Variants in MEI4 observed in about 807,000 individuals in gnomAD.
The protein encoded by MEI4 is meiosis-specific protein MEI4.
A neutral mutation model predicts 31.4 loss-of-function variants in MEI4; 27 were observed. The observed-to-expected ratio is 0.86, with a 90% confidence interval of 0.63 to 1.19. MEI4 has a LOEUF of 1.19. Ranked by LOEUF, MEI4 falls within the 50% of genes most tolerant of loss-of-function variation. The pLI, the probability that MEI4 is intolerant of heterozygous loss-of-function variation, is 0.00. For missense variants in MEI4, 329 were observed against 398.9 expected, an observed-to-expected ratio of 0.82 and a Z score of 1.49; for synonymous variants, 122 against 145.4, an observed-to-expected ratio of 0.84 and a Z score of 1.16.
At chr6:77,716,916 T>C in intron 2 of MEI4, 1 of 953,782 alleles carries the variant, frequency 1.0e-6, no homozygotes, top group Non-Finnish European at 1.2e-6. Context: ...ACTTGCTTAC[T>C]CACAGCTTTG....
chr6:77,799,645 T>C (rs1198754318), intron 3 of MEI4, among the ~76,000 whole-genome samples: 1 of 152,198 alleles, frequency 6.6e-6, no homozygotes, highest in Non-Finnish European at 1.5e-5. Context: ...TTCAAGTCTT[T>C]AATCCGTCTT....
chr6:77,707,002 G>C (rs1178751891), intron 2 of MEI4, among the ~76,000 whole-genome samples: 1 of 143,194 alleles, frequency 7.0e-6, no homozygotes, highest in Non-Finnish European at 1.6e-5. Context: ...ATGTGACGTT[G>C]CTATAAAGAT....
At chr6:77,655,842 GT>G (rs1321863710) in intron 1 of MEI4, among the ~76,000 whole-genome samples, 4 of 151,974 alleles carry the variant, frequency 2.6e-5, no homozygotes, top group African/African-American at 9.7e-5. Flanking sequence ...CTGTTCTTAT[GT>G]CCATTATTAT....
chr6:77,871,785 G>C (rs544557577), intron 4 of MEI4, among the ~76,000 whole-genome samples: 6 of 151,732 alleles, frequency 4.0e-5, no homozygotes, highest in Non-Finnish European at 7.4e-5. Flanking sequence ...ATTCAAGTTG[G>C]AACTACACAG....
At chr6:77,728,346 T>A (rs1766881191) in intron 2 of MEI4, among the ~76,000 whole-genome samples, 1 of 152,182 alleles carries the variant, frequency 6.6e-6, no homozygotes. Flanking sequence ...AGGTATGAGC[T>A]CCTAAAGTAG....
At position 77,924,422 on chromosome 6, in the gene MEI4, ATCCTGAAACTACATGT is replaced by A. The variant is rs1315006021; in HGVS notation, c.*1077_*1092del. ...TTGAAAAGATAATGCCTTTTTGATA[ATCCTGAAACTACATGT>A]ATGTCAGTCAGCTTTTGTTATGTGA... On this transcript the variant is annotated 3_prime_UTR_variant, in exon 5 of 5. Transcript: ENST00000684080. 4.0e-5 allele frequency: 6 copies of A among 151,878 alleles called. No homozygotes were observed. The highest frequency in any genetic ancestry group is 8.8e-5 in the Non-Finnish European group (6 of 67,892). 9.4% of individuals were successfully genotyped at this position (151,878 alleles called of 1,614,324 possible).
intron 4 of MEI4, among the ~76,000 whole-genome samples, chr6:77,921,519 T>C (rs1257228652): frequency 6.6e-6 from 1 of 151,844 alleles, no homozygotes; most frequent in Non-Finnish European, 1.5e-5. Context: ...ACTTTACTTT[T>C]AATTTCCTTC....
intron 2 of MEI4, among the ~76,000 whole-genome samples, chr6:77,733,665 G>T (rs1767085018): frequency 6.6e-6 from 1 of 151,764 alleles, no homozygotes; most frequent in African/African-American, 2.4e-5. Flanking sequence ...CTTGCCTTCT[G>T]CTAGCTTTTG....
intron 2 of MEI4, among the ~76,000 whole-genome samples, chr6:77,728,776 T>C (rs1766893044): frequency 6.6e-6 from 1 of 151,988 alleles, no homozygotes; most frequent in Non-Finnish European, 1.5e-5. Flanking sequence ...GCAGAGCAAG[T>C]AAGGAATAGA....
chr6:77,792,688 G>T (rs1031610778), intron 3 of MEI4, among the ~76,000 whole-genome samples: 1 of 150,622 alleles, frequency 6.6e-6, no homozygotes, highest in African/African-American at 2.4e-5. Flanking sequence ...TTATTGTTTT[G>T]CATGTGGATA....
chr6:77,667,293 C>A (rs1332809798), intron 1 of MEI4, among the ~76,000 whole-genome samples: 2 of 152,134 alleles, frequency 1.3e-5, no homozygotes, highest in Non-Finnish European at 2.9e-5. Flanking sequence ...TTGAGGCTTA[C>A]CATGCCCCAT....
At chr6:77,739,785 G>T (rs936667505) in intron 2 of MEI4, among the ~76,000 whole-genome samples, 2 of 150,150 alleles carry the variant, frequency 1.3e-5, no homozygotes, top group East Asian at 1.9e-4. Flanking sequence ...GAATTTTTTT[G>T]TGTCTCAATG....
chr6:77,858,562 G>A (rs956651893), intron 4 of MEI4, among the ~76,000 whole-genome samples: 1 of 151,528 alleles, frequency 6.6e-6, no homozygotes. Context: ...ATAAATATTT[G>A]TTGGCTAATA....
At chr6:77,694,621 C>T (rs1765967649) in intron 2 of MEI4, among the ~76,000 whole-genome samples, 1 of 152,066 alleles carries the variant, frequency 6.6e-6, no homozygotes, top group African/African-American at 2.4e-5. Context: ...CATAGTATTC[C>T]ATGGTGTATA....
At chr6:77,741,861 C>T (rs1049963791) in intron 2 of MEI4, among the ~76,000 whole-genome samples, 1 of 145,682 alleles carries the variant, frequency 6.9e-6, no homozygotes, top group African/African-American at 2.5e-5. Flanking sequence ...TGAGTGAGAA[C>T]ATGCGGTGTT....
At chr6:77,805,681 T>C (rs988492066) in intron 3 of MEI4, among the ~76,000 whole-genome samples, 4 of 152,076 alleles carry the variant, frequency 2.6e-5, no homozygotes, top group African/African-American at 9.7e-5. Flanking sequence ...AAATCAGGAT[T>C]ATTGCTTCAA....
At chr6:77,863,398 G>A (rs1272745704) in intron 4 of MEI4, among the ~76,000 whole-genome samples, 1 of 151,696 alleles carries the variant, frequency 6.6e-6, no homozygotes, top group Non-Finnish European at 1.5e-5. Flanking sequence ...AAGGACCGAT[G>A]GAGCTGAAAA....
At position 77,655,595 on chromosome 6, in the gene MEI4, G is replaced by C. The variant is rs530068519; in HGVS notation, c.-15+2503G>C. On this transcript the variant is annotated intron_variant, in intron 1 of 4. Transcript: ENST00000684080. ...TATTTCAAGGCTTTCTATCAAGGAG[G>C]TAAAATAGTTTACAAATTTTAGATA... Among the ~76,000 whole-genome samples, 10 of 152,216 alleles carry C rather than the reference G, an allele frequency of 6.6e-5. No individual in the cohort carries two copies. The East Asian group carries it at 1.2e-3, about 18-fold the overall frequency.
rs574392814 is a variant in MEI4, at chr6:77,716,655, G to A, written c.232+25752G>A. On this transcript the variant is annotated intron_variant, in intron 2 of 4. Coordinates refer to ENST00000684080, the MANE Select transcript of MEI4 (RefSeq NM_001322247.2). ...ATGGTGAACAATGGTGAGAATAAAA[G>A]TTGGCAAAAGGTAAGTAGAAAAGGT... Among the ~76,000 whole-genome samples the A allele has an allele frequency of 7.9e-5, 12 of 152,298 alleles. No homozygotes were observed. In the South Asian group the frequency reaches 2.5e-3, roughly 32 times the overall value.
Sources: allele counts gnomAD v4.1 joint callset (sites outside exome capture counted in the v4.1 genomes callset), GRCh38; gene constraint gnomAD v4.1.1; transcripts MANE v1.5; gene names NCBI Gene and HGNC (gene_info 2026-07-23, HGNC 2026-07-21).